Variants in GRM8 observed in about 807,000 individuals in gnomAD.
GRM8 encodes the protein glutamate metabotropic receptor 8.
A neutral mutation model predicts 87.2 loss-of-function variants in GRM8; 47 were observed. That is an observed-to-expected ratio of 0.54 (90% CI 0.43 to 0.69). GRM8 has a LOEUF of 0.69. GRM8 is among the 30% of genes least tolerant of loss of function. The pLI is 0.00. For missense variants in GRM8, 1,019 were observed against 1,139.2 expected (o/e 0.89, Z 1.52); for synonymous variants, 396 against 404.5 (o/e 0.98, Z 0.25).
At chr7:126,524,677 TTTTTCCTCATA>T (rs1163701250) in intron 9 of GRM8, among the ~76,000 whole-genome samples, 9 of 152,170 alleles carry the variant, frequency 5.9e-5, no homozygotes, top group Admixed American at 2.0e-4. Flanking sequence ...CATGTCTTAA[TTTTTCCTCATA>T]TTTTCCTTTT....
chr7:126,971,184 A>C (rs75814087), intron 3 of GRM8, among the ~76,000 whole-genome samples: 16 of 114,784 alleles, frequency 1.4e-4, no homozygotes, highest in African/African-American at 2.0e-4. Context: ...AAAAAAAAAA[A>C]CACTATCTGT....
At chr7:127,244,729 G>A (rs1052200779) in intron 1 of GRM8, among the ~76,000 whole-genome samples, 3 of 152,026 alleles carry the variant, frequency 2.0e-5, no homozygotes, top group Non-Finnish European at 2.9e-5. Flanking sequence ...TATCCTTCTT[G>A]CCCCGAAAGG....
chr7:126,903,775 GTATATATATA>G lies in GRM8; in HGVS notation c.1018+187_1018+196del, dbSNP rs544721638. On this transcript the variant is annotated intron_variant, in intron 5 of 10. Transcript: ENST00000339582. ...TATGTGTATATATATATGTGTGTGTGTATATATATATATATATATATATATATGCATATGC... is the reference window on the plus strand; with the variant it reads ...TATGTGTATATATATATGTGTGTGTGTATATATATATATATATGCATATGC... Among the ~76,000 whole-genome samples, 7 of 87,672 alleles carry G rather than the reference GTATATATATA, an allele frequency of 8.0e-5. No homozygotes were observed. The East Asian group carries it at 1.9e-3, about 24-fold the overall frequency. 57.5% of individuals were successfully genotyped at this position (87,672 alleles called of 152,430 possible).
At chr7:126,647,362 T>C (rs928688317) in intron 7 of GRM8, among the ~76,000 whole-genome samples, 2 of 150,774 alleles carry the variant, frequency 1.3e-5, no homozygotes, top group Admixed American at 6.6e-5. Context: ...TAGATAGATA[T>C]AAATAGATAT....
chr7:126,556,519 C>A (rs913631595), intron 8 of GRM8, among the ~76,000 whole-genome samples: 1 of 151,924 alleles, frequency 6.6e-6, no homozygotes, highest in Admixed American at 6.6e-5. Context: ...TGGTGGCAGA[C>A]GCCTGTAATC....
intron 7 of GRM8, among the ~76,000 whole-genome samples, chr7:126,615,553 T>A (rs1348908194): frequency 6.6e-6 from 1 of 152,218 alleles, no homozygotes; most frequent in Non-Finnish European, 1.5e-5. Flanking sequence ...ATGGGCTAAA[T>A]GCTCCAATTA....
intron 3 of GRM8, among the ~76,000 whole-genome samples, chr7:126,912,284 T>C (rs1803395186): frequency 6.6e-6 from 1 of 152,162 alleles, no homozygotes; most frequent in Non-Finnish European, 1.5e-5. Context: ...GCAGATTACC[T>C]TCTCCAATGC....
chr7:126,822,304 C>T (rs1794368058), intron 6 of GRM8, among the ~76,000 whole-genome samples: 1 of 152,138 alleles, frequency 6.6e-6, no homozygotes, highest in Admixed American at 6.5e-5. Context: ...CTTCTCAAGC[C>T]TTTACTCCTA....
At chr7:127,068,956 C>T (rs1472958336) in intron 3 of GRM8, among the ~76,000 whole-genome samples, 1 of 152,108 alleles carries the variant, frequency 6.6e-6, no homozygotes, top group East Asian at 1.9e-4. Flanking sequence ...AAAACACTGA[C>T]ATAAAGAGAG....
chr7:127,170,349 G>T (rs1793717569), intron 2 of GRM8, among the ~76,000 whole-genome samples: 1 of 152,104 alleles, frequency 6.6e-6, no homozygotes, highest in South Asian at 2.1e-4. Flanking sequence ...AATAGATGTT[G>T]GCATGGATGT....
At chr7:126,625,813 GAAAT>G (rs1322050909) in intron 7 of GRM8, among the ~76,000 whole-genome samples, 1 of 151,428 alleles carries the variant, frequency 6.6e-6, no homozygotes, top group Non-Finnish European at 1.5e-5. Context: ...TTGGCTAAAG[GAAAT>G]AAATAAAAAA....
At chr7:126,895,348 A>G (rs1445747430) in intron 6 of GRM8, among the ~76,000 whole-genome samples, 1 of 152,046 alleles carries the variant, frequency 6.6e-6, no homozygotes, top group African/African-American at 2.4e-5. Flanking sequence ...TATGGTTATC[A>G]TTACAAACTA....
At chr7:127,190,220 C>T (rs1444680217) in intron 2 of GRM8, among the ~76,000 whole-genome samples, 1 of 152,148 alleles carries the variant, frequency 6.6e-6, no homozygotes, top group African/African-American at 2.4e-5. Context: ...TACACAAGGG[C>T]TCTTGAGGTC....
At chr7:127,010,632 T>G (rs1254684893) in intron 3 of GRM8, among the ~76,000 whole-genome samples, 1 of 152,144 alleles carries the variant, frequency 6.6e-6, no homozygotes, top group Non-Finnish European at 1.5e-5. Context: ...ATTAAAACCT[T>G]TACCCAACAA....
chr7:126,995,506 G>C (rs956537871), intron 3 of GRM8, among the ~76,000 whole-genome samples: 1 of 152,130 alleles, frequency 6.6e-6, no homozygotes, highest in African/African-American at 2.4e-5. Flanking sequence ...ATTTAACAAA[G>C]AGATTGAAAT....
chr7:127,162,017 G>C (rs1793148644), intron 2 of GRM8, among the ~76,000 whole-genome samples: 1 of 152,110 alleles, frequency 6.6e-6, no homozygotes, highest in African/African-American at 2.4e-5. Context: ...GAACACAATG[G>C]AATATTACTC....
chr7:126,709,856 G>A (rs10225708), intron 7 of GRM8, among the ~76,000 whole-genome samples: 20,835 of 151,934 alleles, frequency 0.14, 1,692 homozygotes, highest in Non-Finnish European at 0.15. Context: ...AAGAAAACTC[G>A]TCACTTGCAA....
intron 9 of GRM8, among the ~76,000 whole-genome samples, chr7:126,520,084 A>T (rs542366587): frequency 6.6e-6 from 1 of 152,142 alleles, no homozygotes; most frequent in African/African-American, 2.4e-5. Context: ...CCTATGGACA[A>T]AAGGAGATTT....
intron 9 of GRM8, among the ~76,000 whole-genome samples, chr7:126,520,388 G>T (rs1004079446): frequency 2.6e-5 from 4 of 152,194 alleles, no homozygotes; most frequent in Admixed American, 2.6e-4. Context: ...TTCACAATTT[G>T]GGTTTTGGAT....
Sources: allele counts gnomAD v4.1 joint callset (sites outside exome capture counted in the v4.1 genomes callset), GRCh38; gene constraint gnomAD v4.1.1; transcripts MANE v1.5; gene names NCBI Gene and HGNC (gene_info 2026-07-23, HGNC 2026-07-21).